Variants in SLC12A1 observed in about 807,000 individuals in gnomAD.
SLC12A1 encodes the protein solute carrier family 12 member 1, also known as Na-K-2Cl cotransporter.
SLC12A1 carries 89 observed loss-of-function variants against 130.4 expected under a neutral mutation model. That is an observed-to-expected ratio of 0.68 (90% CI 0.58 to 0.81). The LOEUF (loss-of-function observed/expected upper bound fraction) is 0.81, where lower values mean the gene tolerates loss of function less well. Ranked by LOEUF, SLC12A1 falls within the 40% of genes least tolerant of loss-of-function variation. The probability of loss-of-function intolerance (pLI) is 0.00; values close to 1 mark genes in which losing one functional copy is unlikely to be tolerated. For missense variants in SLC12A1, 1,310 were observed against 1,336.4 expected (o/e 0.98, Z 0.31); for synonymous variants, 499 against 460.0 (o/e 1.08, Z -1.09).
chr15:48,245,132 T>A (rs1359910188), intron 11 of SLC12A1, among the ~76,000 whole-genome samples: 4 of 152,208 alleles, frequency 2.6e-5, no homozygotes, highest in Non-Finnish European at 5.9e-5. Flanking sequence ...AATTGCATCA[T>A]CAGGGAGAGA....
chr15:48,216,070 C>G (rs2041117321), intron 2 of SLC12A1, among the ~76,000 whole-genome samples: 1 of 152,032 alleles, frequency 6.6e-6, no homozygotes, highest in African/African-American at 2.4e-5. Context: ...TTTTTCCCCT[C>G]TATGGTATAA....
rs1358953771 is a variant in SLC12A1, at chr15:48,301,322, G to T, written c.3104G>T (p.Arg1035Leu). ...TCTGAATGTTGCCCACAGAGTTACCGCCAAGTTCGACTGAATGAACTCTTA... is the reference window on the plus strand; with the variant it reads ...TCTGAATGTTGCCCACAGAGTTACCTCCAAGTTCGACTGAATGAACTCTTA... ...ELEAVKEKSY[R>L]QVRLNELLQE... The change falls in exon 26 of 27, where the codon CGC (arginine) becomes CTC (leucine). Residue 1035 changes from arginine (R) to leucine (L), a missense_variant. Transcript: ENST00000380993. 3.1e-6 allele frequency: 5 copies of T among 1,599,070 alleles called. No homozygotes were observed. Among genetic ancestry groups the T allele is most frequent in the African/African-American group, 2.7e-5 (2 of 74,614 alleles).
At chr15:48,226,671 T>G (rs2041292380) in intron 5 of SLC12A1, 100 bp downstream of exon 5, 5 of 749,924 alleles carry the variant, frequency 6.7e-6, no homozygotes, top group Non-Finnish European at 9.1e-6. Flanking sequence ...TAGCCCGATG[T>G]TCTTGAAGCC....
Position 48,267,605 on chromosome 15 carries a change from GA to G in SLC12A1, c.2205del (p.Lys735AsnfsTer6). ...TTAAGGAGATGAACAGTGGCATGGCGAAAAAACAGGCCTGGCTTATAAAGAA... is the reference window on the plus strand; with the variant it reads ...TTAAGGAGATGAACAGTGGCATGGCGAAAAACAGGCCTGGCTTATAAAGAA... ...CVKEMNSGMA[K>X]KQAWLIKNKI... is the part of the protein sequence containing the mutation. On this transcript the variant is annotated frameshift_variant, in exon 18 of 27. Coordinates refer to ENST00000380993, the MANE Select transcript of SLC12A1 (RefSeq NM_000338.3). LOFTEE classifies it high-confidence loss of function. 6.2e-7 allele frequency: 1 copy of G among 1,613,520 alleles called. No individual in the cohort carries two copies. The highest frequency in any genetic ancestry group is 2.2e-5 in the East Asian group (1 of 44,874).
chr15:48,229,026 G>GC (rs2041331897), intron 5 of SLC12A1, 163 bp from the exon 6 acceptor site: 2 of 672,412 alleles, frequency 3.0e-6, no homozygotes, highest in South Asian at 4.6e-5. Flanking sequence ...ACCAAGAAGG[G>GC]CTAAGTTATT....
At chr15:48,275,946 G>C (rs1190733064) in intron 20 of SLC12A1, among the ~76,000 whole-genome samples, 1 of 152,162 alleles carries the variant, frequency 6.6e-6, no homozygotes, top group Non-Finnish European at 1.5e-5. Flanking sequence ...CTCAGGACTA[G>C]AATGGAAATA....
intron 2 of SLC12A1, among the ~76,000 whole-genome samples, chr15:48,219,288 T>A (rs1477333031): frequency 1.3e-5 from 2 of 152,218 alleles, no homozygotes; most frequent in African/African-American, 4.8e-5. Flanking sequence ...CTCATGCCTG[T>A]AATCTCAGCA....
intron 14 of SLC12A1, among the ~76,000 whole-genome samples, chr15:48,250,199 C>T (rs1043298607): frequency 6.6e-6 from 1 of 152,130 alleles, no homozygotes; most frequent in Non-Finnish European, 1.5e-5. Flanking sequence ...AAGAACCTTC[C>T]CCTTTCTAGT....
chr15:48,210,733 C>T (rs1375237182), intron 2 of SLC12A1, among the ~76,000 whole-genome samples: 1 of 150,246 alleles, frequency 6.7e-6, no homozygotes, highest in Non-Finnish European at 1.5e-5. Flanking sequence ...GGCATGGTGG[C>T]ACATGCTTGT....
intron 2 of SLC12A1, 100 bp downstream of exon 2, chr15:48,208,239 T>C: frequency 8.4e-7 from 1 of 1,197,500 alleles, no homozygotes; most frequent in Non-Finnish European, 1.2e-6. Flanking sequence ...AACAGTCAAA[T>C]GGAGAGGTCT....
At chr15:48,209,434 C>G (rs977944201) in intron 2 of SLC12A1, among the ~76,000 whole-genome samples, 1 of 152,292 alleles carries the variant, frequency 6.6e-6, no homozygotes, top group Middle Eastern at 3.4e-3. Context: ...TCACCTTTAT[C>G]TTCCTGCTCT....
intron 20 of SLC12A1, among the ~76,000 whole-genome samples, chr15:48,277,773 G>C (rs540256005): frequency 6.6e-6 from 1 of 152,246 alleles, no homozygotes; most frequent in South Asian, 2.1e-4. Flanking sequence ...ATCAAAACAG[G>C]AAAGAATATG....
In SLC12A1 at chr15:48,244,768, G is replaced by A. The variant is rs780619649; in HGVS notation, c.1316G>A (p.Arg439Gln). 40 of 1,613,926 alleles carry A rather than the reference G, an allele frequency of 2.5e-5. No individual in the cohort carries two copies. Among genetic ancestry groups the A allele is most frequent in the South Asian group, 9.9e-5 (9 of 91,058 alleles). ...GTTTCCACAGGGGCCTGTGTGGTCC[G>A]AGATGCCACCGGGAACATGAATGAC... ...VAICVGACVV[R>Q]DATGNMNDTI... The change falls in exon 11 of 27, where the codon CGA becomes CAA. Residue 439 changes from arginine (R) to glutamine (Q), a missense_variant. Coordinates refer to ENST00000380993, the MANE Select transcript of SLC12A1 (RefSeq NM_000338.3).
At chr15:48,235,195 T>A (rs1372086469) in intron 9 of SLC12A1, 191 bp downstream of exon 9, 1 of 675,558 alleles carries the variant, frequency 1.5e-6, no homozygotes, top group Non-Finnish European at 2.6e-6. Context: ...AGATAATTCT[T>A]CCAAAAGTCT....
chr15:48,277,230 C>T (rs1034189065), intron 20 of SLC12A1, among the ~76,000 whole-genome samples: 5 of 151,340 alleles, frequency 3.3e-5, no homozygotes, highest in African/African-American at 1.2e-4. Flanking sequence ...AAGAAAGGGG[C>T]GACCCACGGA....
intron 2 of SLC12A1, among the ~76,000 whole-genome samples, chr15:48,214,427 T>C (rs1278594793): frequency 6.6e-6 from 1 of 152,218 alleles, no homozygotes; most frequent in Non-Finnish European, 1.5e-5. Flanking sequence ...TAGCTAACTT[T>C]TGTCCTAAAT....
chr15:48,301,502 T>TGCCGGGGG (rs60810487), intron 26 of SLC12A1, 120 bp downstream of exon 26: 1 of 434,014 alleles, frequency 2.3e-6, no homozygotes, highest in African/African-American at 2.8e-5. Context: ...GTGTTTTTTT[T>TGCCGGGGG]GGGGGGGGGA....
chr15:48,280,836 C>A (rs2042002698), intron 20 of SLC12A1, among the ~76,000 whole-genome samples: 1 of 151,718 alleles, frequency 6.6e-6, no homozygotes, highest in Admixed American at 6.6e-5. Flanking sequence ...TTTGTACTTA[C>A]CACACACACA....
intron 2 of SLC12A1, among the ~76,000 whole-genome samples, chr15:48,217,065 T>C (rs2041130527): frequency 6.6e-6 from 1 of 152,210 alleles, no homozygotes; most frequent in Non-Finnish European, 1.5e-5. Flanking sequence ...AAAAACAGAA[T>C]GTAAAATATT....
Sources: allele counts gnomAD v4.1 joint callset (sites outside exome capture counted in the v4.1 genomes callset), GRCh38; gene constraint gnomAD v4.1.1; transcripts MANE v1.5; gene names NCBI Gene and HGNC (gene_info 2026-07-23, HGNC 2026-07-21).